MAGEA1: variants seen among roughly 807,000 people sequenced by gnomAD.
MAGEA1 encodes MAGE family member A1, also known as melanoma-associated antigen 1.
For synonymous variants in MAGEA1, 101 were observed against 96.7 expected (o/e 1.04, Z -0.26); for missense variants, 182 against 233.7 (o/e 0.78, Z 1.44).
chrX:153,182,537 G>A lies in MAGEA1; in HGVS notation c.148G>A (p.Gly50Arg), dbSNP rs782483613. The A allele has an allele frequency of 3.3e-6, 4 of 1,211,630 alleles. No individual in the cohort carries two copies. The highest frequency in any genetic ancestry group is 5.9e-5 in the East Asian group (2 of 33,821). Reference protein sequence around the residue: ...LGTLEEVPTAGSTDPPQSPQG... With the variant: ...LGTLEEVPTARSTDPPQSPQG... ...CACCCTGGAGGAGGTGCCCACTGCT[G>A]GGTCAACAGATCCTCCCCAGAGTCC... Residue 50 changes from glycine (G) to arginine (R), a missense_variant, in exon 3 of 3, where the codon GGG becomes AGG. Physicochemically the swap from Gly to Arg is moderately radical, Grantham distance 125 (BLOSUM62 -2). Transcript: ENST00000356661.
chrX:153,179,618 A>T (rs111284830), intron 1 of MAGEA1, among the ~76,000 whole-genome samples: 3,440 of 108,913 alleles, frequency 0.032, 135 homozygotes, highest in African/African-American at 0.11. Context: ...AGGCATCAAG[A>T]TCAGCACCCA....
In MAGEA1 at chrX:153,183,008, G is replaced by A; in HGVS notation, c.619G>A (p.Gly207Ser). The change falls in exon 3 of 3, where the codon GGC (glycine) becomes AGC (serine). Residue 207 changes from glycine (G) to serine (S), a missense_variant. By Grantham distance (56) the Gly-to-Ser change is moderately conservative. Coordinates refer to ENST00000356661, the MANE Select transcript of MAGEA1 (RefSeq NM_004988.5). ...CCTGGTCATGATTGCAATGGAGGGCGGCCATGCTCCTGAGGAGGAAATCTG... is the reference window on the plus strand; with the variant it reads ...CCTGGTCATGATTGCAATGGAGGGCAGCCATGCTCCTGAGGAGGAAATCTG... ...IVLVMIAMEG[G>S]HAPEEEIWEE... 3.3e-6 allele frequency: 4 copies of A among 1,211,765 alleles called. No homozygotes were observed. Among genetic ancestry groups the A allele is most frequent in the South Asian group, 1.8e-5 (1 of 56,964 alleles).
chrX:153,180,553 G>A (rs1322105156), intron 1 of MAGEA1, among the ~76,000 whole-genome samples: 1 of 111,361 alleles, frequency 9.0e-6, no homozygotes, highest in Non-Finnish European at 1.9e-5. Flanking sequence ...GCCCTACTGC[G>A]AGATGAGGGA....
Position 153,183,021 on chromosome X carries a change from A to T in MAGEA1, c.632A>T (p.Glu211Val). 1 of 1,211,753 alleles carries T rather than the reference A, an allele frequency of 8.3e-7. No homozygotes were observed. Among genetic ancestry groups the T allele is most frequent in the Non-Finnish European group, 1.1e-6 (1 of 895,473 alleles). ...GCAATGGAGGGCGGCCATGCTCCTGAGGAGGAAATCTGGGAGGAGCTGAGT... is the reference window on the plus strand; with the variant it reads ...GCAATGGAGGGCGGCCATGCTCCTGTGGAGGAAATCTGGGAGGAGCTGAGT... Reference protein sequence around the residue: ...MIAMEGGHAPEEEIWEELSVM... With the variant: ...MIAMEGGHAPVEEIWEELSVM... Residue 211 changes from glutamate (E) to valine (V), a missense_variant, in exon 3 of 3, where the codon GAG (glutamate) becomes GTG (valine). By Grantham distance (121) the Glu-to-Val change is moderately radical. Transcript: ENST00000356661.
At chrX:153,180,510 G>C (rs1167627725) in intron 1 of MAGEA1, among the ~76,000 whole-genome samples, 2 of 111,735 alleles carry the variant, frequency 1.8e-5, no homozygotes, top group African/African-American at 6.5e-5. Flanking sequence ...GAGGGAAGGG[G>C]CTTGAACAGG....
chrX:153,181,066 G>A (rs2051490097), intron 1 of MAGEA1, among the ~76,000 whole-genome samples: 2 of 104,024 alleles, frequency 1.9e-5, no homozygotes, highest in African/African-American at 3.5e-5. Context: ...GGGAGATGGG[G>A]TCTTGGGGTA....
Position 153,182,684 on chromosome X carries a change from C to A in MAGEA1, c.295C>A (p.Arg99=), listed in dbSNP as rs1363932326. Residue 99 remains arginine (R), a synonymous_variant, in exon 3 of 3, where the codon CGA becomes AGA. Transcript: ENST00000356661. ...CTCTTGTATCCTGGAGTCCTTGTTC[C>A]GAGCAGTAATCACTAAGAAGGTGGC... is the stretch of plus-strand genomic sequence containing the variant. ...STSCILESLF[R]AVITKKVADL... 3 of 1,210,352 alleles carry A rather than the reference C, an allele frequency of 2.5e-6. No individual in the cohort carries two copies. Among genetic ancestry groups the A allele is most frequent in the Non-Finnish European group, 3.4e-6 (3 of 895,275 alleles).
Position 153,182,215 on chromosome X carries a change from C to A in MAGEA1, c.-100C>A. ...AGGCCAACCCAGAGGACAGGATTCCCTGGAGGCCACAGAGGAGCACCAAGG... is the reference window on the plus strand; with the variant it reads ...AGGCCAACCCAGAGGACAGGATTCCATGGAGGCCACAGAGGAGCACCAAGG... On this transcript the variant is annotated 5_prime_UTR_variant, in exon 2 of 3. The change creates a new upstream start codon in the 5' untranslated region. Transcript: ENST00000356661. 1 of 1,019,480 alleles carries A rather than the reference C, an allele frequency of 9.8e-7. No individual in the cohort carries two copies. The highest frequency in any genetic ancestry group is 1.4e-6 in the Non-Finnish European group (1 of 723,675). The allele number at this position is 1,019,480 out of a possible 1,213,427, so 84.0% of individuals were successfully genotyped here.
At chrX:153,182,047 C>G (rs978920338) in intron 1 of MAGEA1, 130 bp from the exon 2 acceptor site, 39 of 302,842 alleles carry the variant, frequency 1.3e-4, no homozygotes, top group Admixed American at 1.4e-4. Flanking sequence ...GAATGCACAC[C>G]AAGGGCCCCA....
chrX:153,181,848 CAG>C (rs1289443648), intron 1 of MAGEA1, among the ~76,000 whole-genome samples: 4 of 111,541 alleles, frequency 3.6e-5, no homozygotes, highest in African/African-American at 1.3e-4. Flanking sequence ...GGGGATGTCA[CAG>C]AGTCCAGCCC....
intron 1 of MAGEA1, among the ~76,000 whole-genome samples, chrX:153,180,631 C>T (rs1245591858): frequency 9.0e-6 from 1 of 111,334 alleles, no homozygotes; most frequent in African/African-American, 3.3e-5. Flanking sequence ...CACTTCTGGC[C>T]TCAAGAATCA....
Position 153,183,435 on chromosome X carries a change from A to AATG in MAGEA1, c.*116_*117insATG. The AATG allele has an allele frequency of 5.7e-6, 4 of 703,061 alleles. No homozygotes were observed. Among genetic ancestry groups the AATG allele is most frequent in the Non-Finnish European group, 6.5e-6 (3 of 463,106 alleles). 57.9% of individuals were successfully genotyped at this position (703,061 alleles called of 1,213,427 possible). On this transcript the variant is annotated 3_prime_UTR_variant, in exon 3 of 3. Coordinates refer to ENST00000356661, the MANE Select transcript of MAGEA1 (RefSeq NM_004988.5). ...ATGAGGCCCATTCTTCACTCTGAAG[A>AATG]GAGCGGTCAGTGTTCTCAGTAGTAG...
In MAGEA1 at chrX:153,182,742, G is replaced by A. The variant is rs373351745; in HGVS notation, c.353G>A (p.Arg118Gln). ...DLVGFLLLKYRAREPVTKAEM... is the reference protein window; with the variant it reads ...DLVGFLLLKYQAREPVTKAEM... ...GTTGGTTTTCTGCTCCTCAAATATCGAGCCAGGGAGCCAGTCACAAAGGCA... is the reference window on the plus strand; with the variant it reads ...GTTGGTTTTCTGCTCCTCAAATATCAAGCCAGGGAGCCAGTCACAAAGGCA... The change falls in exon 3 of 3, where the codon CGA (arginine) becomes CAA (glutamine). Residue 118 changes from arginine to glutamine, a missense_variant. By Grantham distance (43) the Arg-to-Gln change is conservative. Coordinates refer to ENST00000356661, the MANE Select transcript of MAGEA1 (RefSeq NM_004988.5). 10 of 1,209,926 alleles carry A rather than the reference G, an allele frequency of 8.3e-6. No homozygotes were observed. The African/African-American group carries it at 1.2e-4, about 15-fold the overall frequency.
At position 153,182,375 on chromosome X, in the gene MAGEA1, C is replaced by A; in HGVS notation, c.-15C>A. On this transcript the variant is annotated 5_prime_UTR_variant, in exon 3 of 3. In the 5' UTR this introduces an upstream ATG that the reference lacks. Coordinates refer to ENST00000356661, the MANE Select transcript of MAGEA1 (RefSeq NM_004988.5). ...CCTGCCCACACTCCTGCCTGCTGCCCTGACGAGAGTCATCATGTCTCTTGA... is the reference window on the plus strand; with the variant it reads ...CCTGCCCACACTCCTGCCTGCTGCCATGACGAGAGTCATCATGTCTCTTGA... 8.3e-7 allele frequency: 1 copy of A among 1,201,429 alleles called. No individual in the cohort carries two copies. The highest frequency in any genetic ancestry group is 1.1e-6 in the Non-Finnish European group (1 of 886,145).
In MAGEA1 at chrX:153,182,848, G is replaced by A. The variant is rs138520182; in HGVS notation, c.459G>A (p.Leu153=). Residue 153 remains leucine (L), a synonymous_variant, in exon 3 of 3, where the codon CTG becomes CTA. Coordinates refer to ENST00000356661, the MANE Select transcript of MAGEA1 (RefSeq NM_004988.5). ...IFGKASESLQ[L]VFGIDVKEAD... ...GCAAAGCCTCTGAGTCCTTGCAGCT[G>A]GTCTTTGGCATTGACGTGAAGGAAG... 13 of 1,210,108 alleles carry A rather than the reference G, an allele frequency of 1.1e-5. No homozygotes were observed. In the African/African-American group the frequency reaches 1.9e-4, roughly 18 times the overall value.
In MAGEA1 at chrX:153,183,694, G is replaced by C. The variant is rs1178427994; in HGVS notation, c.*375G>C. On this transcript the variant is annotated 3_prime_UTR_variant, in exon 3 of 3. Transcript: ENST00000356661. Reference sequence around the variant, plus strand: ...ATAACAGCAGTGGAATAAGTACTTAGAAATGTGAAAAATGAGCAGTAAAAT... The same window carrying C: ...ATAACAGCAGTGGAATAAGTACTTACAAATGTGAAAAATGAGCAGTAAAAT... 1.2e-5 allele frequency: 2 copies of C among 165,271 alleles called. No individual in the cohort carries two copies. Among genetic ancestry groups the C allele is most frequent in the African/African-American group, 6.2e-5 (2 of 32,305 alleles). The allele number at this position is 165,271 out of a possible 1,213,427, so 13.6% of individuals were successfully genotyped here.
In MAGEA1 at chrX:153,182,920, C is replaced by T; in HGVS notation, c.531C>T (p.Leu177=). Reference sequence around the variant, plus strand: ...ATGTCCTTGTCACCTGCCTAGGTCTCTCCTATGATGGCCTGCTGGGTGATA... The same window carrying T: ...ATGTCCTTGTCACCTGCCTAGGTCTTTCCTATGATGGCCTGCTGGGTGATA... ...HSYVLVTCLG[L]SYDGLLGDNQ... The change falls in exon 3 of 3, where the codon CTC becomes CTT. Residue 177 remains leucine (L), a synonymous_variant. Coordinates refer to ENST00000356661, the MANE Select transcript of MAGEA1 (RefSeq NM_004988.5). 8.3e-7 allele frequency: 1 copy of T among 1,211,958 alleles called. No homozygotes were observed. The highest frequency in any genetic ancestry group is 1.8e-5 in the South Asian group (1 of 56,981).
chrX:153,183,166 C>G lies in MAGEA1; in HGVS notation c.777C>G (p.Pro259=). ...LEYRQVPDSD[P]ARYEFLWGPR... ...ACCGGCAGGTGCCGGACAGTGATCC[C>G]GCACGCTATGAGTTCCTGTGGGGTC... The change falls in exon 3 of 3, where the codon CCC becomes CCG. Residue 259 remains proline (P), a synonymous_variant. Coordinates refer to ENST00000356661, the MANE Select transcript of MAGEA1 (RefSeq NM_004988.5). 8.2e-7 allele frequency: 1 copy of G among 1,212,193 alleles called. No homozygotes were observed.
intron 1 of MAGEA1, among the ~76,000 whole-genome samples, chrX:153,180,186 T>C (rs1432254921): frequency 9.0e-6 from 1 of 110,934 alleles, no homozygotes; most frequent in African/African-American, 3.3e-5. Flanking sequence ...CCCCGTCCCG[T>C]CCCACTGCCA....
Sources: allele counts gnomAD v4.1 joint callset (sites outside exome capture counted in the v4.1 genomes callset), GRCh38; gene constraint gnomAD v4.1.1; transcripts MANE v1.5; gene names NCBI Gene and HGNC (gene_info 2026-07-23, HGNC 2026-07-21).